Variants in NCKAP5 observed in about 807,000 individuals in gnomAD.
The protein encoded by NCKAP5 is NCK associated protein 5, also known as nck-associated protein 5.
A neutral mutation model predicts 167.0 loss-of-function variants in NCKAP5; 92 were observed. The observed-to-expected ratio is 0.55, with a 90% CI of 0.47 to 0.66. NCKAP5 has a LOEUF of 0.66. Among genes scored for constraint, NCKAP5 ranks in the 30% least tolerant of loss-of-function variants. The probability of loss-of-function intolerance (pLI) is 0.00; values close to 1 mark genes in which losing one functional copy is unlikely to be tolerated. For missense variants in NCKAP5, 2,378 were observed against 2,315.0 expected, an observed-to-expected ratio of 1.03 and a Z score of -0.56; for synonymous variants, 891 against 877.4, an observed-to-expected ratio of 1.02 and a Z score of -0.27.
intron 3 of NCKAP5, among the ~76,000 whole-genome samples, chr2:133,478,733 T>C (rs1048519838): frequency 1.3e-4 from 19 of 151,948 alleles, no homozygotes; most frequent in East Asian, 1.2e-3. Context: ...AAATGTTTCA[T>C]CTCTTTTCTA....
the NCKAP5 span, among the ~76,000 whole-genome samples, chr2:133,632,587 G>C: frequency 6.6e-6 from 1 of 152,156 alleles, no homozygotes; most frequent in Non-Finnish European, 1.5e-5. Context: ...TAAGCTGGCC[G>C]TCTCTCAGCA....
chr2:132,884,179 C>T (rs766514217), intron 8 of NCKAP5, among the ~76,000 whole-genome samples: 17 of 152,210 alleles, frequency 1.1e-4, no homozygotes, highest in Non-Finnish European at 2.1e-4. Flanking sequence ...GATCCTGCCA[C>T]GTTCTTTCAG....
At chr2:132,831,252 C>T (rs1687503885) in intron 11 of NCKAP5, among the ~76,000 whole-genome samples, 1 of 152,074 alleles carries the variant, frequency 6.6e-6, no homozygotes, top group South Asian at 2.1e-4. Flanking sequence ...AACAATGGGG[C>T]AATAACCATT....
chr2:133,264,025 G>T (rs937258758), intron 4 of NCKAP5, among the ~76,000 whole-genome samples: 1 of 152,172 alleles, frequency 6.6e-6, no homozygotes, highest in Non-Finnish European at 1.5e-5. Context: ...CCTAGGATAA[G>T]GCAATAGTCC....
Position 133,101,495 on chromosome 2 carries a change from G to A in NCKAP5, c.341+28483C>T, listed in dbSNP as rs544111490. Reference sequence around the variant, plus strand: ...TTGAATCTGTAAATTACCTTGGGCAGTATGGCCATTTTCACGATATTGATT... The same window carrying A: ...TTGAATCTGTAAATTACCTTGGGCAATATGGCCATTTTCACGATATTGATT... On this transcript the variant is annotated intron_variant, in intron 6 of 19. Coordinates refer to ENST00000409261, the MANE Select transcript of NCKAP5 (RefSeq NM_207363.3). 1.7e-3 allele frequency among the ~76,000 whole-genome samples: 247 copies of A among 142,250 alleles called. 1 individual carries two copies. Among genetic ancestry groups the A allele is most frequent in the African/African-American group, 6.1e-3 (229 of 37,672 alleles). 93.3% of individuals were successfully genotyped at this position (142,250 alleles called of 152,430 possible). A position where few individuals can be genotyped will look rare whatever the true frequency, so the allele number is the denominator to read the frequency against.
chr2:132,809,978 A>G (rs1399623237), intron 11 of NCKAP5, among the ~76,000 whole-genome samples: 1 of 152,194 alleles, frequency 6.6e-6, no homozygotes, highest in Non-Finnish European at 1.5e-5. Context: ...GTGGTGGCTT[A>G]CTGATGGCAA....
the NCKAP5 span, among the ~76,000 whole-genome samples, chr2:133,632,359 A>C: frequency 6.6e-6 from 1 of 152,398 alleles, no homozygotes; most frequent in East Asian, 1.9e-4. Context: ...AAATTAGAAA[A>C]GAAAAAGCCC....
At chr2:132,730,732 G>A (rs114384621) in intron 17 of NCKAP5, among the ~76,000 whole-genome samples, 4,277 of 152,218 alleles carry the variant, frequency 0.028, 200 homozygotes, top group African/African-American at 0.096. Flanking sequence ...CTAAGATTTC[G>A]CCCCTGAATC....
intron 8 of NCKAP5, among the ~76,000 whole-genome samples, chr2:132,912,942 T>C (rs74443432): frequency 0.014 from 2,161 of 152,284 alleles, 29 homozygotes; most frequent in Non-Finnish European, 0.024. Flanking sequence ...AATTTCCAGT[T>C]TGCTTTCAAT....
the NCKAP5 span, among the ~76,000 whole-genome samples, chr2:133,581,679 A>G: frequency 6.6e-6 from 1 of 151,992 alleles, no homozygotes; most frequent in Non-Finnish European, 1.5e-5. Flanking sequence ...AGCACTCCCC[A>G]CCCTAAAATT....
At chr2:132,825,364 C>G (rs566388413) in intron 11 of NCKAP5, among the ~76,000 whole-genome samples, 1 of 152,086 alleles carries the variant, frequency 6.6e-6, no homozygotes, top group Non-Finnish European at 1.5e-5. Context: ...GCCTTGTTAA[C>G]GATATAGTTC....
At chr2:132,747,846 G>T (rs1387398396) in intron 16 of NCKAP5, among the ~76,000 whole-genome samples, 1 of 152,192 alleles carries the variant, frequency 6.6e-6, no homozygotes, top group African/African-American at 2.4e-5. Context: ...CTTGCCCGTA[G>T]GCCTATAGCT....
At chr2:132,840,817 T>TA (rs1313955557) in intron 11 of NCKAP5, among the ~76,000 whole-genome samples, 1 of 152,166 alleles carries the variant, frequency 6.6e-6, no homozygotes, top group Non-Finnish European at 1.5e-5. Context: ...ATATTTATTT[T>TA]AAAAAATATT....
chr2:132,726,520 C>G (rs370317860), intron 18 of NCKAP5, among the ~76,000 whole-genome samples: 2 of 152,144 alleles, frequency 1.3e-5, no homozygotes, highest in African/African-American at 4.8e-5. Flanking sequence ...TGTGTTGAAT[C>G]GAGGTTATTT....
At chr2:132,742,245 A>G (rs1320974137) in intron 16 of NCKAP5, among the ~76,000 whole-genome samples, 1 of 151,996 alleles carries the variant, frequency 6.6e-6, no homozygotes, top group Non-Finnish European at 1.5e-5. Context: ...TTGGTGAATT[A>G]CATGGACAAC....
At chr2:133,333,774 A>G (rs1299243648) in intron 3 of NCKAP5, 12 of 152,172 alleles carry the variant, frequency 7.9e-5, no homozygotes. Flanking sequence ...GCTCCCCTAC[A>G]CAGTGAGGGA....
intron 3 of NCKAP5, among the ~76,000 whole-genome samples, chr2:133,398,339 G>T (rs1025982057): frequency 6.6e-5 from 10 of 152,282 alleles, no homozygotes; most frequent in African/African-American, 2.2e-4. Flanking sequence ...CCTAGATGAT[G>T]GGCTGATAGG....
At chr2:132,717,219 G>A (rs935197096) in intron 19 of NCKAP5, among the ~76,000 whole-genome samples, 1 of 152,144 alleles carries the variant, frequency 6.6e-6, no homozygotes, top group African/African-American at 2.4e-5. Context: ...TCCACTTCGA[G>A]CTGGGATGGG....
At chr2:132,989,087 G>A (rs1330671589) in intron 7 of NCKAP5, among the ~76,000 whole-genome samples, 2 of 152,304 alleles carry the variant, frequency 1.3e-5, no homozygotes, top group African/African-American at 4.8e-5. Flanking sequence ...GGAACAAGAG[G>A]AAGCATGGCG....
Sources: gnomAD v4.1 joint callset for allele counts (sites outside exome capture counted in the v4.1 genomes callset) on GRCh38, gnomAD v4.1.1 for gene constraint, MANE v1.5 for transcripts, NCBI Gene and HGNC (gene_info 2026-07-23, HGNC 2026-07-21) for gene names.